TRIM26: variants seen among roughly 807,000 people sequenced by gnomAD.
The protein encoded by TRIM26 is tripartite motif containing 26, also known as tripartite motif-containing protein 26.
A neutral mutation model predicts 45.5 loss-of-function variants in TRIM26; 16 were observed. That is an observed-to-expected ratio of 0.35 (90% CI 0.24 to 0.53). TRIM26 has a LOEUF of 0.53. Ranked by LOEUF, TRIM26 falls within the 20% of genes least tolerant of loss-of-function variation. The probability of loss-of-function intolerance (pLI) is 0.92; values close to 1 mark genes in which losing one functional copy is unlikely to be tolerated. For missense variants in TRIM26, 442 were observed against 691.1 expected, an observed-to-expected ratio of 0.64 and a Z score of 4.04; for synonymous variants, 273 against 290.4, an observed-to-expected ratio of 0.94 and a Z score of 0.61.
intron 6 of TRIM26, among the ~76,000 whole-genome samples, chr6:30,195,410 GC>G (rs1021021096): frequency 1.3e-5 from 2 of 152,094 alleles, no homozygotes; most frequent in African/African-American, 4.8e-5. Context: ...AGAGCTCAGA[GC>G]CCAGGAGTCA....
At chr6:30,192,232 C>G (rs1775924222) in intron 6 of TRIM26, among the ~76,000 whole-genome samples, 1 of 152,210 alleles carries the variant, frequency 6.6e-6, no homozygotes, top group Non-Finnish European at 1.5e-5. Context: ...GGGGCTGCGG[C>G]AATGAGTCAT....
rs1253896788 is a variant in TRIM26, at chr6:30,190,812, A to G, written c.766-777T>C. ...CCCTAGAAGCTGGTGGAAGAACCAC[A>G]TGGAAGTAACCCAGTCCCTTGGATA... On this transcript the variant is annotated intron_variant, in intron 6 of 9. Coordinates refer to ENST00000454678, the MANE Select transcript of TRIM26 (RefSeq NM_003449.5). This position sits in a 1 kb window ranked among gnomAD's most constrained non-coding sequence, Gnocchi z 4.3. 6.6e-6 allele frequency among the ~76,000 whole-genome samples: 1 copy of G among 152,220 alleles called. No homozygotes were observed. Among genetic ancestry groups the G allele is most frequent in the Non-Finnish European group, 1.5e-5 (1 of 68,040 alleles).
At chr6:30,203,419 T>C (rs1777397586) in intron 2 of TRIM26, among the ~76,000 whole-genome samples, 1 of 152,004 alleles carries the variant, frequency 6.6e-6, no homozygotes, top group South Asian at 2.1e-4. Context: ...TTTATTAATA[T>C]ATTTATTTAT....
At position 30,185,833 on chromosome 6, in the gene TRIM26, A is replaced by G. The variant is rs534568841; in HGVS notation, c.*43T>C. The G allele has an allele frequency of 1.9e-6, 3 of 1,568,532 alleles. No homozygotes were observed. The highest frequency in any genetic ancestry group is 2.2e-5 in the East Asian group (1 of 44,466). The stretch of plus-strand genomic sequence containing the variant: ...ATTGAGAGTCCTGGAATTCCAAAGA[A>G]GTGAAGCATCTGAGGGTTGGGGCTG... On this transcript the variant is annotated 3_prime_UTR_variant, in exon 10 of 10. Coordinates refer to ENST00000454678, the MANE Select transcript of TRIM26 (RefSeq NM_003449.5). This position sits in a 1 kb window ranked among gnomAD's most constrained non-coding sequence, Gnocchi z 5.7.
chr6:30,188,299 G>T, intron 9 of TRIM26: 2 of 477,932 alleles, frequency 4.2e-6, no homozygotes, highest in Non-Finnish European at 3.4e-6. Context: ...AGCATCATCT[G>T]TTGTAACACA....
At chr6:30,193,055 C>T (rs1453549143) in intron 6 of TRIM26, among the ~76,000 whole-genome samples, 1 of 80,286 alleles carries the variant, frequency 1.2e-5, no homozygotes, top group African/African-American at 5.9e-5. Flanking sequence ...GTTACTACAG[C>T]TTTGTAGTAT....
chr6:30,203,712 C>T (rs993030428), intron 2 of TRIM26, among the ~76,000 whole-genome samples: 2 of 152,040 alleles, frequency 1.3e-5, no homozygotes, highest in Admixed American at 6.6e-5. Context: ...CCACCGCGCC[C>T]GGCTGAGAAT....
Position 30,186,475 on chromosome 6 carries a change from A to G in TRIM26, c.1021T>C (p.Tyr341His). ...DWKCVTYTSL[Y>H]KSAYLHPQQF... The stretch of plus-strand genomic sequence containing the variant: ...TGGGGGTGCAGGTAGGCACTCTTGT[A>G]CAGGCTGGTGTAGGTCACGCACTTC... Residue 341 changes from tyrosine to histidine, a missense_variant, in exon 10 of 10, where the codon TAC (tyrosine) becomes CAC (histidine). By Grantham distance (83) the Tyr-to-His change is moderately conservative. Transcript: ENST00000454678. The surrounding 1 kb of genome is among the most constrained non-coding windows in gnomAD (Gnocchi z 7.4). The G allele has an allele frequency of 6.3e-7, 1 of 1,578,564 alleles. No individual in the cohort carries two copies. The highest frequency in any genetic ancestry group is 1.2e-5 in the South Asian group (1 of 83,862).
At chr6:30,205,672 C>CA (rs1396660016) in intron 1 of TRIM26, among the ~76,000 whole-genome samples, 2 of 151,944 alleles carry the variant, frequency 1.3e-5, no homozygotes, top group Non-Finnish European at 2.9e-5. Flanking sequence ...ACATTGTCTC[C>CA]AAAAAAAGAA....
intron 6 of TRIM26, among the ~76,000 whole-genome samples, chr6:30,191,108 T>C (rs1387729530): frequency 6.6e-6 from 1 of 151,900 alleles, no homozygotes; most frequent in African/African-American, 2.4e-5. Context: ...AGAGAAGCAA[T>C]ACATTCCAGG....
chr6:30,209,973 G>A lies in TRIM26; in HGVS notation c.-376+3332C>T, dbSNP rs147323672. Reference sequence around the variant, plus strand: ...TGTAATCCCAGCACTTTGGGAGGCCGAGGTGGGCAGATCATGAGGTCAAGA... The same window carrying A: ...TGTAATCCCAGCACTTTGGGAGGCCAAGGTGGGCAGATCATGAGGTCAAGA... On this transcript the variant is annotated intron_variant, in intron 1 of 9. Coordinates refer to ENST00000454678, the MANE Select transcript of TRIM26 (RefSeq NM_003449.5). The surrounding 1 kb of genome is among the most constrained non-coding windows in gnomAD (Gnocchi z 4.8). Among the ~76,000 whole-genome samples, 678 of 152,206 alleles carry A rather than the reference G, an allele frequency of 4.5e-3. 2 individuals are homozygous for A. Among genetic ancestry groups the A allele is most frequent in the African/African-American group, 0.011 (477 of 41,530 alleles).
rs1775029177 is a variant in TRIM26, at chr6:30,185,185, A to T, written c.*691T>A. ...CACAGCTTGTACCCCAAAGCCGTGT[A>T]TGTCTGGATCCTTCCCTAAGACCAC... On this transcript the variant is annotated 3_prime_UTR_variant, in exon 10 of 10. Transcript: ENST00000454678. The surrounding 1 kb of genome is among the most constrained non-coding windows in gnomAD (Gnocchi z 5.7). 6.6e-6 allele frequency: 1 copy of T among 152,188 alleles called. No homozygotes were observed. The highest frequency in any genetic ancestry group is 2.4e-5 in the African/African-American group (1 of 41,430). 9.4% of individuals were successfully genotyped at this position (152,188 alleles called of 1,614,324 possible).
intron 6 of TRIM26, among the ~76,000 whole-genome samples, chr6:30,195,309 CAA>C (rs1004407643): frequency 6.6e-6 from 1 of 152,104 alleles, no homozygotes; most frequent in Non-Finnish European, 1.5e-5. Flanking sequence ...ATGACCCAGT[CAA>C]AGAGTATGAC....
intron 1 of TRIM26, among the ~76,000 whole-genome samples, chr6:30,206,673 AC>A (rs1777758409): frequency 6.6e-6 from 1 of 152,254 alleles, no homozygotes; most frequent in Non-Finnish European, 1.5e-5. Context: ...AATGGTTCAA[AC>A]CTTGACTACA....
At chr6:30,210,761 GTCTC>G (rs923831344) in intron 1 of TRIM26, among the ~76,000 whole-genome samples, 2 of 151,816 alleles carry the variant, frequency 1.3e-5, no homozygotes, top group Non-Finnish European at 2.9e-5. Flanking sequence ...TATGCATGTG[GTCTC>G]TCTCTCTCTC....
Position 30,196,648 on chromosome 6 carries a change from C to T in TRIM26, c.633G>A (p.Ala211=), listed in dbSNP as rs996021111. The T allele has an allele frequency of 9.9e-6, 16 of 1,614,222 alleles. No homozygotes were observed. The highest frequency in any genetic ancestry group is 7.7e-5 in the South Asian group (7 of 91,090). Residue 211 remains alanine (A), a synonymous_variant, in exon 6 of 10, where the codon GCG becomes GCA. Transcript: ENST00000454678. This position sits in a 1 kb window ranked among gnomAD's most constrained non-coding sequence, Gnocchi z 4.9. ...EREEHLLEQL[A]KLEQELTEGR... is the part of the protein sequence containing the mutation. Reference sequence around the variant, plus strand: ...CCTCCGTGAGCTCCTGCTCCAGCTTCGCCAGCTGTTCCAGCAGGTGTTCCT... The same window carrying T: ...CCTCCGTGAGCTCCTGCTCCAGCTTTGCCAGCTGTTCCAGCAGGTGTTCCT...
intron 2 of TRIM26, among the ~76,000 whole-genome samples, chr6:30,203,440 G>T (rs1465016418): frequency 6.6e-6 from 1 of 151,862 alleles, no homozygotes; most frequent in Admixed American, 6.6e-5. Context: ...TTTTGAGATG[G>T]AGTTTTTCTC....
chr6:30,203,798 CT>C (rs35154638), intron 2 of TRIM26, among the ~76,000 whole-genome samples: 242 of 144,270 alleles, frequency 1.7e-3, no homozygotes, highest in Admixed American at 2.0e-3. Context: ...TGGTTCCTTT[CT>C]TTTTTTTTTT....
chr6:30,189,093 G>T lies in TRIM26; in HGVS notation c.937+74C>A. On this transcript the variant is annotated intron_variant, in intron 9 of 9. Coordinates refer to ENST00000454678, the MANE Select transcript of TRIM26 (RefSeq NM_003449.5). This position sits in a 1 kb window ranked among gnomAD's most constrained non-coding sequence, Gnocchi z 5.0. Reference sequence around the variant, plus strand: ...AAAAGGGGCTACCTGGGGGAAAAGTGAGCAGTCAGAATCTCTGCAGGCGGA... The same window carrying T: ...AAAAGGGGCTACCTGGGGGAAAAGTTAGCAGTCAGAATCTCTGCAGGCGGA... 4 of 1,515,964 alleles carry T rather than the reference G, an allele frequency of 2.6e-6. No individual in the cohort carries two copies. In the South Asian group the frequency reaches 3.7e-5, roughly 14 times the overall value. The allele number at this position is 1,515,964 out of a possible 1,614,324, so 93.9% of individuals were successfully genotyped here. A position where few individuals can be genotyped will look rare whatever the true frequency, so the allele number is the denominator to read the frequency against.
Sources: allele counts gnomAD v4.1 joint callset (sites outside exome capture counted in the v4.1 genomes callset), GRCh38; gene constraint gnomAD v4.1.1; non-coding constraint Gnocchi (gnomAD v3.1); transcripts MANE v1.5; gene names NCBI Gene and HGNC (gene_info 2026-07-23, HGNC 2026-07-21).